Variants in NEO1 observed in about 807,000 individuals in gnomAD.
The protein encoded by NEO1 is neogenin.
A neutral mutation model predicts 159.7 loss-of-function variants in NEO1; 63 were observed. That is an observed-to-expected ratio of 0.39 (90% confidence interval 0.32 to 0.49). The LOEUF is 0.49. NEO1 is among the 20% of genes least tolerant of loss of function. The pLI is 0.85. For synonymous variants in NEO1, 633 were observed against 662.0 expected (o/e 0.96, Z 0.67); for missense variants, 1,615 against 1,831.0 (o/e 0.88, Z 2.15).
intron 1 of NEO1, among the ~76,000 whole-genome samples, chr15:73,088,170 A>G (rs764244970): frequency 6.6e-6 from 1 of 150,872 alleles, no homozygotes; most frequent in South Asian, 2.1e-4. Context: ...GCATATTCAT[A>G]TTTTTTTTTA....
intron 7 of NEO1, among the ~76,000 whole-genome samples, chr15:73,187,696 A>G (rs945262085): frequency 1.3e-4 from 20 of 152,202 alleles, no homozygotes; most frequent in Admixed American, 1.2e-3. Flanking sequence ...TATATACAAA[A>G]GCAGGAAGTA....
chr15:73,153,082 A>C (rs2033506139), intron 5 of NEO1, among the ~76,000 whole-genome samples: 1 of 152,168 alleles, frequency 6.6e-6, no homozygotes, highest in Non-Finnish European at 1.5e-5. Flanking sequence ...TGTGAGTCTG[A>C]AGGCCTGAGA....
intron 13 of NEO1, among the ~76,000 whole-genome samples, chr15:73,256,435 G>C (rs1319867946): frequency 6.6e-6 from 1 of 152,190 alleles, no homozygotes; most frequent in Admixed American, 6.5e-5. Flanking sequence ...GGGAGGCAGA[G>C]GCCGCAGTGA....
At chr15:73,138,901 T>C (rs560027936) in intron 5 of NEO1, among the ~76,000 whole-genome samples, 25 of 152,282 alleles carry the variant, frequency 1.6e-4, no homozygotes, top group Non-Finnish European at 1.5e-4. Context: ...TTTGGATCAA[T>C]AGAGTATGGC....
At chr15:73,089,384 AT>A (rs201315913) in intron 1 of NEO1, among the ~76,000 whole-genome samples, 2 of 151,354 alleles carry the variant, frequency 1.3e-5, no homozygotes, top group African/African-American at 4.8e-5. Context: ...CCTAGGCAAT[AT>A]TTTTTTTTCT....
At chr15:73,124,526 C>G (rs76463123) in intron 3 of NEO1, among the ~76,000 whole-genome samples, 5 of 152,126 alleles carry the variant, frequency 3.3e-5, no homozygotes, top group African/African-American at 7.2e-5. Flanking sequence ...CTCCCTCACT[C>G]GAAGATTGTG....
intron 5 of NEO1, among the ~76,000 whole-genome samples, chr15:73,173,300 A>C (rs999473406): frequency 1.1e-4 from 17 of 152,200 alleles, no homozygotes; most frequent in Admixed American, 3.3e-4. Flanking sequence ...TGAGGAAATA[A>C]AGGAAGAATA....
intron 7 of NEO1, among the ~76,000 whole-genome samples, chr15:73,199,254 G>A (rs1226927356): frequency 2.0e-5 from 3 of 151,314 alleles, no homozygotes; most frequent in African/African-American, 7.3e-5. Flanking sequence ...ATAAAATACT[G>A]TTCTCATCAC....
At position 73,085,003 on chromosome 15, in the gene NEO1, A is replaced by G. The variant is rs146569036; in HGVS notation, c.131-31537A>G. On this transcript the variant is annotated intron_variant, in intron 1 of 28. Transcript: ENST00000261908. ...GGAGAAACAAAGCAACTGGATGGAT[A>G]GTGGTAGTGATTTAGGAAATATGGA... Among the ~76,000 whole-genome samples, 507 of 152,276 alleles carry G rather than the reference A, an allele frequency of 3.3e-3. 2 individuals are homozygous for G. Among genetic ancestry groups the G allele is most frequent in the Non-Finnish European group, 5.2e-3 (355 of 68,024 alleles).
intron 7 of NEO1, among the ~76,000 whole-genome samples, chr15:73,182,913 T>G (rs1483127132): frequency 6.6e-6 from 1 of 152,146 alleles, no homozygotes; most frequent in Non-Finnish European, 1.5e-5. Context: ...ATAGATCATA[T>G]GCATTGTTTC....
intron 1 of NEO1, among the ~76,000 whole-genome samples, chr15:73,087,723 A>G (rs1367718467): frequency 6.6e-6 from 1 of 152,182 alleles, no homozygotes; most frequent in East Asian, 1.9e-4. Flanking sequence ...CACAATTCAG[A>G]TGATTATTAA....
intron 28 of NEO1, among the ~76,000 whole-genome samples, chr15:73,301,889 G>A (rs959543015): frequency 1.3e-5 from 2 of 152,100 alleles, no homozygotes; most frequent in African/African-American, 4.8e-5. Context: ...GGCTGGTCTT[G>A]AACTCCCTAC....
intron 5 of NEO1, among the ~76,000 whole-genome samples, chr15:73,170,837 A>G (rs1399119021): frequency 6.6e-6 from 1 of 152,204 alleles, no homozygotes; most frequent in Non-Finnish European, 1.5e-5. Context: ...AATATAAGGG[A>G]TGTTTCTCTT....
Position 73,060,548 on chromosome 15 carries a change from G to A in NEO1, c.130+7743G>A, listed in dbSNP as rs1004802957. Among the ~76,000 whole-genome samples the A allele has an allele frequency of 5.3e-5, 8 of 152,160 alleles. 1 individual carries two copies. Among genetic ancestry groups the A allele is most frequent in the Admixed American group, 6.5e-5 (1 of 15,282 alleles). Reference sequence around the variant, plus strand: ...CTCCCAAAGTGTTGGGATTACAGACGTGAGCCACCGCTGCACCCAGGCAAC... The same window carrying A: ...CTCCCAAAGTGTTGGGATTACAGACATGAGCCACCGCTGCACCCAGGCAAC... On this transcript the variant is annotated intron_variant, in intron 1 of 28. Transcript: ENST00000261908.
At position 73,221,260 on chromosome 15, in the gene NEO1, T is replaced by C. The variant is rs145351324; in HGVS notation, c.1292-15087T>C. Among the ~76,000 whole-genome samples the C allele has an allele frequency of 8.6e-3, 1,308 of 152,300 alleles. 23 individuals carry two copies. Among genetic ancestry groups the C allele is most frequent in the African/African-American group, 0.03 (1,236 of 41,566 alleles). ...ACAGCGGTTTTTCGTGAACCACGAA[T>C]GCTGCTGTCTGATTGTTCCTCTGGA... On this transcript the variant is annotated intron_variant, in intron 7 of 28. Transcript: ENST00000261908.
At chr15:73,054,911 A>G (rs1252836190) in intron 1 of NEO1, among the ~76,000 whole-genome samples, 1 of 152,208 alleles carries the variant, frequency 6.6e-6, no homozygotes, top group Non-Finnish European at 1.5e-5. Flanking sequence ...GTAGAGTGAT[A>G]GACTTATAAA....
chr15:73,236,521 G>C lies in NEO1; in HGVS notation c.1451+15G>C, dbSNP rs775366300. ...GGGATTGCTAGGTAAGTGCCTGTGTGTCTGCAGCCAGTTGGCTGCCTCTTG... is the reference window on the plus strand; with the variant it reads ...GGGATTGCTAGGTAAGTGCCTGTGTCTCTGCAGCCAGTTGGCTGCCTCTTG... On this transcript the variant is annotated intron_variant, in intron 8 of 28. Coordinates refer to ENST00000261908, the MANE Select transcript of NEO1 (RefSeq NM_002499.4). The C allele has an allele frequency of 1.9e-6, 3 of 1,612,258 alleles. No homozygotes were observed. Among genetic ancestry groups the C allele is most frequent in the Admixed American group, 1.7e-5 (1 of 60,008 alleles).
At chr15:73,203,397 TTG>T (rs1219501444) in intron 7 of NEO1, among the ~76,000 whole-genome samples, 3 of 152,194 alleles carry the variant, frequency 2.0e-5, no homozygotes, top group Non-Finnish European at 4.4e-5. Context: ...ATAGTTTGTC[TTG>T]TTTTTTAATT....
At chr15:73,078,300 G>A (rs925696530) in intron 1 of NEO1, among the ~76,000 whole-genome samples, 36 of 152,154 alleles carry the variant, frequency 2.4e-4, no homozygotes, top group African/African-American at 8.2e-4. Context: ...GCAGGGAGAA[G>A]GATATTGACA....
Sources: allele counts gnomAD v4.1 joint callset (sites outside exome capture counted in the v4.1 genomes callset), GRCh38; gene constraint gnomAD v4.1.1; transcripts MANE v1.5; gene names NCBI Gene and HGNC (gene_info 2026-07-23, HGNC 2026-07-21).